UNC13A: variants seen among roughly 807,000 people sequenced by gnomAD.
UNC13A encodes the protein unc-13 homolog A.
UNC13A carries 61 observed loss-of-function variants against 219.7 expected under a neutral mutation model. That is an observed-to-expected ratio of 0.28 (90% confidence interval 0.23 to 0.34). The LOEUF is 0.34. Among genes scored for constraint, UNC13A ranks in the 10% least tolerant of loss-of-function variants. UNC13A has a pLI of 1.00. For missense variants in UNC13A, 1,476 were observed against 2,270.3 expected (o/e 0.65, Z 7.11); for synonymous variants, 920 against 884.6 (o/e 1.04, Z -0.71).
chr19:17,647,593 G>A, intron 16 of UNC13A, 101 bp from the exon 17 acceptor site: 1 of 1,162,254 alleles, frequency 8.6e-7, no homozygotes, highest in Non-Finnish European at 1.2e-6. Flanking sequence ...GGGGGACTCA[G>A]GTGTCACCCC....
rs528581087 is a variant in UNC13A at position 17,687,383 on chromosome 19, G to A, written c.22+795C>T. On this transcript the variant is annotated intron_variant, in intron 1 of 43. Coordinates refer to ENST00000519716, the MANE Select transcript of UNC13A (RefSeq NM_001080421.3). ...GAGGATGGGCCAGGAGGGGGACCAG[G>A]AGACATTGCTCTTCCAAGAAGTAGG... 3.3e-5 allele frequency among the ~76,000 whole-genome samples: 5 copies of A among 152,284 alleles called. No individual in the cohort carries two copies. In the South Asian group the frequency reaches 8.3e-4, roughly 25 times the overall value.
rs1285184583 is a variant in UNC13A at position 17,617,696 on chromosome 19, C to T, written c.4558+6G>A. 5 of 1,612,952 alleles carry T rather than the reference C, an allele frequency of 3.1e-6. No individual in the cohort carries two copies. Among genetic ancestry groups the T allele is most frequent in the East Asian group, 4.5e-5 (2 of 44,864 alleles). On this transcript the variant is annotated splice_donor_region_variant and intron_variant, in intron 41 of 43. Transcript: ENST00000519716. ...GGAAAGGGTGATGCGGTCTGGGTAC[C>T]CTTACCCTGGGCCGATTGCGTCTGT...
At chr19:17,661,388 G>C (rs539097288) in intron 8 of UNC13A, among the ~76,000 whole-genome samples, 1 of 152,178 alleles carries the variant, frequency 6.6e-6, no homozygotes, top group African/African-American at 2.4e-5. Flanking sequence ...GAAGGAGGCA[G>C]ATTTATCCTC....
chr19:17,638,359 T>C (rs1429226939), intron 25 of UNC13A, among the ~76,000 whole-genome samples: 2 of 151,908 alleles, frequency 1.3e-5, no homozygotes, highest in Non-Finnish European at 2.9e-5. Context: ...TCCCAGCTAC[T>C]TGGGAGGCTG....
chr19:17,658,311 G>A (rs1180375689), intron 8 of UNC13A, 42 bp from the exon 9 acceptor site: 1 of 1,563,046 alleles, frequency 6.4e-7, no homozygotes, highest in East Asian at 2.3e-5. Flanking sequence ...GAGGAAGAGA[G>A]AGTGCACATG....
intron 4 of UNC13A, 50 bp downstream of exon 4, chr19:17,672,328 C>G: frequency 6.8e-7 from 1 of 1,474,744 alleles, no homozygotes; most frequent in Non-Finnish European, 9.4e-7. Context: ...GGTCTCTGGG[C>G]TTCTGCAAGG....
In UNC13A at chr19:17,621,930, G is replaced by A; in HGVS notation, c.4204-60C>T. On this transcript the variant is annotated intron_variant, in intron 36 of 43. Transcript: ENST00000519716. ...CAAGTCGTGCAGGGTGGGAAGCTGG[G>A]ATGCTCACAGGAATATTCATGGGGA... is the stretch of plus-strand genomic sequence containing the variant. 2.6e-6 allele frequency: 4 copies of A among 1,562,394 alleles called. No homozygotes were observed. The South Asian group carries it at 4.4e-5, about 17-fold the overall frequency.
chr19:17,628,314 G>GA, intron 31 of UNC13A: 1 of 199,660 alleles, frequency 5.0e-6, no homozygotes, highest in Non-Finnish European at 1.0e-5. Context: ...CTGAAGGCGT[G>GA]TGCCCTCACC....
chr19:17,611,740 C>A (rs761585892), intron 42 of UNC13A, 23 bp downstream of exon 42: 8 of 1,605,432 alleles, frequency 5.0e-6, no homozygotes, highest in Non-Finnish European at 6.8e-6. Context: ...CCTAGCAAGT[C>A]CCTCCCACCT....
intron 11 of UNC13A, among the ~76,000 whole-genome samples, chr19:17,653,066 A>T (rs1406452016): frequency 1.3e-5 from 2 of 152,098 alleles, no homozygotes; most frequent in African/African-American, 2.4e-5. Context: ...GTCTCAGCAT[A>T]GACGTGGGGT....
In UNC13A at chr19:17,674,011, A is replaced by AAAAC. The variant is rs1229471035; in HGVS notation, c.152+642_152+645dup. Among the ~76,000 whole-genome samples, 1 of 152,258 alleles carries AAAAC rather than the reference A, an allele frequency of 6.6e-6. No individual in the cohort carries two copies. The highest frequency in any genetic ancestry group is 6.5e-5 in the Admixed American group (1 of 15,290). ...GGGCAACAGAGTGAGGCTCTGCCTC[A>AAAAC]AAACAAACAAACAAACAAACAAAAT... On this transcript the variant is annotated intron_variant, in intron 3 of 43. Coordinates refer to ENST00000519716, the MANE Select transcript of UNC13A (RefSeq NM_001080421.3). The surrounding 1 kb of genome is among the most constrained non-coding windows in gnomAD (Gnocchi z 5.0).
At position 17,617,823 on chromosome 19, in the gene UNC13A, G is replaced by A. The variant is rs778169618; in HGVS notation, c.4437C>T (p.Gly1479=). 1 of 1,613,886 alleles carries A rather than the reference G, an allele frequency of 6.2e-7. No individual in the cohort carries two copies. Among genetic ancestry groups the A allele is most frequent in the East Asian group, 2.2e-5 (1 of 44,876 alleles). ...TCTTCTCCAGGAAGGTCTTCTTGAG[G>A]CCCACGCCACCCGCGTGGAAATATT... is the stretch of plus-strand genomic sequence containing the variant. ...IKQYFHAGGV[G]LKKTFLEKSP... is the part of the protein sequence containing the mutation. The change falls in exon 41 of 44, where the codon GGC becomes GGT. Residue 1479 remains glycine (G), a synonymous_variant. Coordinates refer to ENST00000519716, the MANE Select transcript of UNC13A (RefSeq NM_001080421.3).
intron 1 of UNC13A, among the ~76,000 whole-genome samples, chr19:17,687,473 C>T (rs1320785180): frequency 6.6e-6 from 1 of 152,064 alleles, no homozygotes; most frequent in Non-Finnish European, 1.5e-5. Flanking sequence ...GCGGGAAGAC[C>T]TTCTGGACAT....
intron 28 of UNC13A, among the ~76,000 whole-genome samples, chr19:17,631,202 CCCTTCCTTCCTTCCTTCCTTCTT>C (rs2076848711): frequency 3.7e-5 from 2 of 53,412 alleles, no homozygotes. Flanking sequence ...CTCCCTCCCT[CCCTTCCTTCCTTCCTTCCTTCTT>C]CCTTCCTTCC....
intron 11 of UNC13A, among the ~76,000 whole-genome samples, chr19:17,653,369 C>T (rs1451224035): frequency 3.3e-5 from 5 of 151,170 alleles, no homozygotes; most frequent in East Asian, 1.9e-4. Context: ...TTGTTTGAGA[C>T]GGAGTTTCCC....
chr19:17,618,389 C>G (rs1381386177), intron 40 of UNC13A, 32 bp downstream of exon 40: 5 of 1,555,226 alleles, frequency 3.2e-6, no homozygotes, highest in South Asian at 1.2e-5. Flanking sequence ...CTACATCCCC[C>G]ACCTGGGATG....
At chr19:17,624,418 C>T (rs2076761303) in intron 35 of UNC13A, among the ~76,000 whole-genome samples, 1 of 152,132 alleles carries the variant, frequency 6.6e-6, no homozygotes, top group Non-Finnish European at 1.5e-5. Context: ...CGGTGCCTGG[C>T]CAATGTCTAT....
In UNC13A at chr19:17,632,838, G is replaced by A; in HGVS notation, c.3372C>T (p.Tyr1124=). Residue 1124 remains tyrosine, a synonymous_variant, in exon 28 of 44, where the codon TAC becomes TAT. Coordinates refer to ENST00000519716, the MANE Select transcript of UNC13A (RefSeq NM_001080421.3). ...CGGGAAGTTCCGTCACATACTCATT[G>A]TAGAGCCATTTCACCTTGAAGTGGA... ...MNLHFKVKWL[Y]NEYVTELPAF... is the part of the protein sequence containing the mutation. 3 of 1,613,998 alleles carry A rather than the reference G, an allele frequency of 1.9e-6. No individual in the cohort carries two copies. The highest frequency in any genetic ancestry group is 2.5e-6 in the Non-Finnish European group (3 of 1,179,898).
At chr19:17,677,651 G>A (rs993717998) in intron 1 of UNC13A, among the ~76,000 whole-genome samples, 5 of 152,162 alleles carry the variant, frequency 3.3e-5, no homozygotes, top group African/African-American at 1.2e-4. Context: ...ACAGGTGTGA[G>A]CTGCCACACC....
Sources: gnomAD v4.1 joint callset for allele counts (sites outside exome capture counted in the v4.1 genomes callset) on GRCh38, gnomAD v4.1.1 for gene constraint, Gnocchi (gnomAD v3.1) non-coding constraint, MANE v1.5 for transcripts, NCBI Gene and HGNC (gene_info 2026-07-23, HGNC 2026-07-21) for gene names.